The following DDX31 variants were observed in gnomAD, a reference collection of about 807,000 sequenced individuals.
The protein encoded by DDX31 is DEAD-box helicase 31, also known as ATP-dependent DNA helicase DDX31.
In DDX31, 70 loss-of-function variants were observed where a neutral mutation model predicts 91.3. That is an observed-to-expected ratio of 0.77 (90% CI 0.63 to 0.94). The LOEUF (loss-of-function observed/expected upper bound fraction) is 0.94. Among genes scored for constraint, DDX31 ranks in the 40% least tolerant of loss-of-function variants. The probability of loss-of-function intolerance (pLI) is 0.00; values close to 1 mark genes in which losing one functional copy is unlikely to be tolerated. For synonymous variants in DDX31, 362 were observed against 350.6 expected, an observed-to-expected ratio of 1.03 and a Z score of -0.36; for missense variants, 902 against 925.0, an observed-to-expected ratio of 0.98 and a Z score of 0.32.
chr9:132,624,413 G>T, intron 17 of DDX31, among the ~76,000 whole-genome samples: 1 of 151,954 alleles, frequency 6.6e-6, no homozygotes, highest in Non-Finnish European at 1.5e-5. Context: ...TTGTTCACAG[G>T]GATCTTTGCT....
chr9:132,625,605 A>C (rs1832344157), intron 17 of DDX31, 59 bp downstream of exon 17: 2 of 1,340,052 alleles, frequency 1.5e-6, no homozygotes, highest in African/African-American at 2.9e-5. Context: ...AGTCTCTACT[A>C]CCCCAAATCA....
rs767782123 is a variant in DDX31, at chr9:132,648,173, CTTCTT to C, written c.967+11_967+15del. On this transcript the variant is annotated intron_variant, in intron 11 of 19. Coordinates refer to ENST00000372159, the MANE Select transcript of DDX31 (RefSeq NM_022779.9). ...ATTAAGAACAAAGAAGGACCCATCA[CTTCTT>C]TTCAACTCACCTTCTGTGAGTGTCG... The C allele has an allele frequency of 3.7e-6, 6 of 1,600,928 alleles. No homozygotes were observed. Among genetic ancestry groups the C allele is most frequent in the Non-Finnish European group, 5.1e-6 (6 of 1,173,150 alleles).
chr9:132,652,517 C>A (rs1456736919), intron 6 of DDX31, 25 bp from the exon 7 acceptor site: 31 of 1,613,494 alleles, frequency 1.9e-5, no homozygotes, highest in African/African-American at 2.7e-5. Context: ...AAAAAAAATG[C>A]CATGAGCAGG....
At position 132,595,042 on chromosome 9, in the gene DDX31, C is replaced by T. The variant is rs768097189; in HGVS notation, c.2065G>A (p.Gly689Ser). 16 of 1,614,112 alleles carry T rather than the reference C, an allele frequency of 9.9e-6. No homozygotes were observed. Among genetic ancestry groups the T allele is most frequent in the East Asian group, 8.9e-5 (4 of 44,900 alleles). The change falls in exon 20 of 20, where the codon GGC becomes AGC. Residue 689 changes from glycine to serine, a missense_variant. By Grantham distance (56) the Gly-to-Ser change is moderately conservative. Coordinates refer to ENST00000372159, the MANE Select transcript of DDX31 (RefSeq NM_022779.9). The surrounding 1 kb of genome is among the most constrained non-coding windows in gnomAD (Gnocchi z 4.6). Reference sequence around the variant, plus strand: ...ACCTTGGCGATGTCGGCCTCCATGCCGCTTGAGTATTCCGAACGTAGGATT... The same window carrying T: ...ACCTTGGCGATGTCGGCCTCCATGCTGCTTGAGTATTCCGAACGTAGGATT... ...AEILRSEYSS[G>S]MEADIAKVKK...
At chr9:132,650,357 T>G (rs1462740164) in intron 8 of DDX31, 59 bp from the exon 9 acceptor site, 1 of 1,514,280 alleles carries the variant, frequency 6.6e-7, no homozygotes, top group East Asian at 2.3e-5. Flanking sequence ...CATCAGACAT[T>G]GATTCCAAAT....
chr9:132,640,163 G>T (rs989342076), intron 14 of DDX31, among the ~76,000 whole-genome samples: 3 of 152,200 alleles, frequency 2.0e-5, no homozygotes, highest in Non-Finnish European at 4.4e-5. Context: ...CAGGTGGGAT[G>T]ATCATTACAG....
chr9:132,658,343 T>G (rs983724545), intron 6 of DDX31: 1 of 703,354 alleles, frequency 1.4e-6, no homozygotes, highest in Non-Finnish European at 2.6e-6. Context: ...TCGTAAAATG[T>G]GGATAACAGT....
chr9:132,610,129 T>C (rs907653613), intron 19 of DDX31, among the ~76,000 whole-genome samples: 2 of 152,154 alleles, frequency 1.3e-5, no homozygotes, highest in Non-Finnish European at 2.9e-5. Context: ...AGACAGGATC[T>C]GGGAACCCAG....
At chr9:132,601,851 T>G (rs1309450778) in intron 19 of DDX31, among the ~76,000 whole-genome samples, 1 of 152,248 alleles carries the variant, frequency 6.6e-6, no homozygotes, top group Non-Finnish European at 1.5e-5. Context: ...GCCAAGGTAC[T>G]TATTTCTCTA....
At chr9:132,633,963 C>G (rs1282343787) in intron 14 of DDX31, among the ~76,000 whole-genome samples, 1 of 152,028 alleles carries the variant, frequency 6.6e-6, no homozygotes, top group Admixed American at 6.6e-5. Context: ...TGTTGAACAC[C>G]GTGAGGACAC....
intron 17 of DDX31, among the ~76,000 whole-genome samples, chr9:132,623,606 C>T (rs528188557): frequency 2.9e-4 from 44 of 150,730 alleles, no homozygotes; most frequent in Non-Finnish European, 5.2e-4. Context: ...AAGGTCCGAT[C>T]ACAGGCTGGT....
chr9:132,655,765 A>G (rs1834521735), intron 6 of DDX31, among the ~76,000 whole-genome samples: 1 of 152,370 alleles, frequency 6.6e-6, no homozygotes, highest in South Asian at 2.1e-4. Context: ...CACTGAATGA[A>G]TGAACAAAAC....
intron 14 of DDX31, among the ~76,000 whole-genome samples, chr9:132,632,839 T>C (rs1176134532): frequency 6.6e-6 from 1 of 152,222 alleles, no homozygotes; most frequent in African/African-American, 2.4e-5. Flanking sequence ...TTTAATTTTA[T>C]GTATCTTTTC....
intron 6 of DDX31, among the ~76,000 whole-genome samples, chr9:132,656,381 T>C (rs1235838458): frequency 2.0e-5 from 3 of 152,336 alleles, no homozygotes; most frequent in Admixed American, 6.5e-5. Context: ...TTTTAAAATA[T>C]TGCAGCAAGT....
Position 132,661,346 on chromosome 9 carries a change from G to T in DDX31, c.409-95C>A, listed in dbSNP as rs1031466567. 7.5e-6 allele frequency: 8 copies of T among 1,068,404 alleles called. No individual in the cohort carries two copies. In the Admixed American group the frequency reaches 1.3e-4, roughly 17 times the overall value. The allele number at this position is 1,068,404 out of a possible 1,614,324, so 66.2% of individuals were successfully genotyped here. On this transcript the variant is annotated intron_variant, in intron 3 of 19. Transcript: ENST00000372159. ...AAGGAGAAACTATTGAGAGAACATT[G>T]ACTACTATGATCAAATTAAGTTCCT...
At chr9:132,664,128 T>C (rs950480003) in intron 1 of DDX31, among the ~76,000 whole-genome samples, 2 of 152,256 alleles carry the variant, frequency 1.3e-5, no homozygotes, top group African/African-American at 4.8e-5. Flanking sequence ...GGAAGCTGTC[T>C]CTGACATTTA....
In DDX31 at chr9:132,625,763, C is replaced by G; in HGVS notation, c.1632-18G>C. 1.9e-6 allele frequency: 3 copies of G among 1,608,188 alleles called. No individual in the cohort carries two copies. Among genetic ancestry groups the G allele is most frequent in the Non-Finnish European group, 2.5e-6 (3 of 1,177,032 alleles). ...CAGAAACGCTGTAAAAGGAAGGGCA[C>G]AGCAAGGTAACTTTTTGCTCTTTCA... is the stretch of plus-strand genomic sequence containing the variant. On this transcript the variant is annotated intron_variant, in intron 16 of 19. Coordinates refer to ENST00000372159, the MANE Select transcript of DDX31 (RefSeq NM_022779.9).
chr9:132,641,925 A>C (rs1467183099), intron 14 of DDX31, 79 bp downstream of exon 14: 3 of 1,488,016 alleles, frequency 2.0e-6, no homozygotes, highest in Non-Finnish European at 2.8e-6. Context: ...ACCACAGGAC[A>C]AACTGTCAAG....
chr9:132,613,656 C>T (rs915398752), intron 18 of DDX31, among the ~76,000 whole-genome samples: 6 of 152,078 alleles, frequency 3.9e-5, no homozygotes, highest in African/African-American at 9.7e-5. Flanking sequence ...ATGGTGCCAC[C>T]GCACTCCAGC....
Sources: allele counts gnomAD v4.1 joint callset (sites outside exome capture counted in the v4.1 genomes callset), GRCh38; gene constraint gnomAD v4.1.1; non-coding constraint Gnocchi (gnomAD v3.1); transcripts MANE v1.5; gene names NCBI Gene and HGNC (gene_info 2026-07-23, HGNC 2026-07-21).